The following KCNH2 variants were observed in gnomAD, a reference collection of about 807,000 sequenced individuals.
The protein encoded by KCNH2 is voltage-gated inwardly rectifying potassium channel KCNH2.
Under a neutral mutation model 95.9 loss-of-function variants are expected in KCNH2, and 35 were observed. That is an observed-to-expected ratio of 0.37 (90% CI 0.28 to 0.48). The LOEUF is 0.48. KCNH2 is among the 20% of genes least tolerant of loss of function. KCNH2 has a pLI of 0.99. For synonymous variants in KCNH2, 786 were observed against 754.7 expected, an observed-to-expected ratio of 1.04 and a Z score of -0.68; for missense variants, 1,274 against 1,702.9, an observed-to-expected ratio of 0.75 and a Z score of 4.43.
rs1271119249 is a variant in KCNH2 at position 150,950,779 on chromosome 7, G to A, written c.2145+142C>T. On this transcript the variant is annotated intron_variant, in intron 8 of 14. Transcript: ENST00000262186. The stretch of plus-strand genomic sequence containing the variant: ...GTTCCAAGGGCTTCCATTTCCTCAT[G>A]GGCAAAAAGGGGCAACGTGCCTCCA... 4 of 889,210 alleles carry A rather than the reference G, an allele frequency of 4.5e-6. No individual in the cohort carries two copies. In the African/African-American group the frequency reaches 5.0e-5, roughly 11 times the overall value. The allele number at this position is 889,210 out of a possible 1,614,324, so 55.1% of individuals were successfully genotyped here. A position where few individuals can be genotyped will look rare whatever the true frequency, so the allele number is the denominator to read the frequency against.
At chr7:150,977,801 AG>A in intron 1 of KCNH2, 36 bp downstream of exon 1, 2 of 154,062 alleles carry the variant, frequency 1.3e-5, no homozygotes, top group Admixed American at 1.2e-4. Flanking sequence ...GCCCGCCCCC[AG>A]AGCCCCCTCC....
chr7:150,967,008 G>A (rs1333613768), intron 2 of KCNH2, among the ~76,000 whole-genome samples: 3 of 152,300 alleles, frequency 2.0e-5, no homozygotes, highest in East Asian at 1.9e-4. Context: ...GGCCAGGCGC[G>A]GTGGCTCATG....
Position 150,963,057 on chromosome 7 carries a change from C to T in KCNH2, c.308-3321G>A, listed in dbSNP as rs534805853. ...CCCTCGCTCTGCTCCCTTCTCCCACCGACTCGCCCTGGCTCCTGCCAGTGG... is the reference window on the plus strand; with the variant it reads ...CCCTCGCTCTGCTCCCTTCTCCCACTGACTCGCCCTGGCTCCTGCCAGTGG... On this transcript the variant is annotated intron_variant, in intron 2 of 14. Coordinates refer to ENST00000262186, the MANE Select transcript of KCNH2 (RefSeq NM_000238.4). Among the ~76,000 whole-genome samples the T allele has an allele frequency of 3.2e-4, 48 of 152,350 alleles. 1 individual carries two copies. Among genetic ancestry groups the T allele is most frequent in the South Asian group, 2.1e-4 (1 of 4,832 alleles).
In KCNH2 at chr7:150,958,045, C is replaced by A. The variant is rs1009321830; in HGVS notation, c.916+14G>T. 65 of 1,262,754 alleles carry A rather than the reference C, an allele frequency of 5.1e-5. No homozygotes were observed. Among genetic ancestry groups the A allele is most frequent in the Non-Finnish European group, 6.1e-5 (61 of 1,007,572 alleles). 78.2% of individuals were successfully genotyped at this position (1,262,754 alleles called of 1,614,324 possible). A position where few individuals can be genotyped will look rare whatever the true frequency, so the allele number is the denominator to read the frequency against. On this transcript the variant is annotated intron_variant, in intron 4 of 14. Transcript: ENST00000262186. Reference sequence around the variant, plus strand: ...GCGTGGGCTGGGGCGGAACGGGTCCCGCGGCGCCCTCACCGGTGCTGGCGT... The same window carrying A: ...GCGTGGGCTGGGGCGGAACGGGTCCAGCGGCGCCCTCACCGGTGCTGGCGT...
intron 2 of KCNH2, among the ~76,000 whole-genome samples, chr7:150,971,560 G>C (rs1184554831): frequency 6.6e-6 from 1 of 152,124 alleles, no homozygotes; most frequent in African/African-American, 2.4e-5. Context: ...CAGCCAGACA[G>C]AGCCTTCCAG....
At chr7:150,966,618 CA>C (rs1801713925) in intron 2 of KCNH2, among the ~76,000 whole-genome samples, 1 of 152,038 alleles carries the variant, frequency 6.6e-6, no homozygotes, top group Non-Finnish European at 1.5e-5. Flanking sequence ...TCAGAGAGTT[CA>C]GCAAGGTTGC....
chr7:150,963,191 G>A (rs941781324), intron 2 of KCNH2, among the ~76,000 whole-genome samples: 2 of 152,228 alleles, frequency 1.3e-5, no homozygotes, highest in East Asian at 3.9e-4. Flanking sequence ...AGCCAGCACT[G>A]GGCGCACTCA....
At chr7:150,954,312 G>C (rs1416466744) in intron 5 of KCNH2, among the ~76,000 whole-genome samples, 1 of 151,834 alleles carries the variant, frequency 6.6e-6, no homozygotes, top group African/African-American at 2.4e-5. Context: ...TGCTGATAAG[G>C]GGGCAGAAGA....
rs1212994253 is a variant in KCNH2 at position 150,958,241 on chromosome 7, G to C, written c.734C>G (p.Pro245Arg). The C allele has an allele frequency of 7.1e-7, 1 of 1,402,954 alleles. No homozygotes were observed. The highest frequency in any genetic ancestry group is 3.1e-5 in the East Asian group (1 of 32,286). 86.9% of individuals were successfully genotyped at this position (1,402,954 alleles called of 1,614,324 possible). A position where few individuals can be genotyped will look rare whatever the true frequency, so the allele number is the denominator to read the frequency against. The change falls in exon 4 of 15, where the codon CCC becomes CGC. Residue 245 changes from proline to arginine, a missense_variant. By Grantham distance (103) the Pro-to-Arg change is moderately radical (BLOSUM62 -2). Transcript: ENST00000262186. ...CGCCCGGGGCGATGGGAGCTGGCCGGGCGCGCTGCGGGGCGGAGAGCCGGG... is the reference window on the plus strand; with the variant it reads ...CGCCCGGGGCGATGGGAGCTGGCCGCGCGCGCTGCGGGGCGGAGAGCCGGG... The part of the protein sequence containing the change: ...VGPGSPPRSA[P>R]GQLPSPRAHS...
chr7:150,947,578 T>G, intron 12 of KCNH2, 28 bp downstream of exon 12: 1 of 1,609,950 alleles, frequency 6.2e-7, no homozygotes, highest in South Asian at 1.1e-5. Context: ...CGCCCGGTCC[T>G]CCCTCGCCCG....
At chr7:150,955,473 T>C in intron 5 of KCNH2, 1 of 1,556,520 alleles carries the variant, frequency 6.4e-7, no homozygotes. Context: ...AGAGCCCCTG[T>C]CCTGCTCGCC....
Position 150,947,719 on chromosome 7 carries a change from C to T in KCNH2, c.2852G>A (p.Ser951Asn). Residue 951 changes from serine (S) to asparagine (N), a missense_variant, in exon 12 of 15, where the codon AGC becomes AAC. Coordinates refer to ENST00000262186, the MANE Select transcript of KCNH2 (RefSeq NM_000238.4). Reference sequence around the variant, plus strand: ...GGAGAAGGGCACCAGGCGGAGGGGGCTGGAGCTGCGGCCTGGGCCCTCATC... The same window carrying T: ...GGAGAAGGGCACCAGGCGGAGGGGGTTGGAGCTGCGGCCTGGGCCCTCATC... The part of the protein sequence containing the change: ...SEDEGPGRSS[S>N]PLRLVPFSSP... The T allele has an allele frequency of 6.3e-7, 1 of 1,576,042 alleles. No individual in the cohort carries two copies.
chr7:150,976,682 C>T (rs1310731086), intron 1 of KCNH2, among the ~76,000 whole-genome samples: 1 of 152,062 alleles, frequency 6.6e-6, no homozygotes, highest in Non-Finnish European at 1.5e-5. Flanking sequence ...GGAAGAGTCA[C>T]TCAAGGTCAC....
At position 150,951,121 on chromosome 7, in the gene KCNH2, C is replaced by CTGGGGGCG. The variant is rs779504703; in HGVS notation, c.1946-9_1946-2dup. On this transcript the variant is annotated splice_acceptor_variant, in intron 7 of 14. Coordinates refer to ENST00000262186, the MANE Select transcript of KCNH2 (RefSeq NM_000238.4). LOFTEE classifies it high-confidence loss of function. ...CCGAAGATGCTAGCATACATGAGGG[C>CTGGGGGCG]TGGGGGCGTGGGCACGTGGGGCCGT... 1 of 1,600,616 alleles carries CTGGGGGCG rather than the reference C, an allele frequency of 6.2e-7. No individual in the cohort carries two copies. Among genetic ancestry groups the CTGGGGGCG allele is most frequent in the Admixed American group, 1.7e-5 (1 of 59,792 alleles).
chr7:150,946,857 G>GA lies in KCNH2; in HGVS notation c.3330+19dup, dbSNP rs1800908408. ...AACAAGCGGGTCACGGTACATCGAG[G>GA]AAGCAGGGCTGGAGCTTACCTGAGA... On this transcript the variant is annotated intron_variant, in intron 14 of 14. Transcript: ENST00000262186. This position sits in a 1 kb window ranked among gnomAD's most constrained non-coding sequence, Gnocchi z 6.5. 21 of 1,592,326 alleles carry GA rather than the reference G, an allele frequency of 1.3e-5. No individual in the cohort carries two copies. The highest frequency in any genetic ancestry group is 1.8e-5 in the Non-Finnish European group (21 of 1,165,828).
At chr7:150,973,508 G>C (rs1405176324) in intron 2 of KCNH2, among the ~76,000 whole-genome samples, 1 of 152,252 alleles carries the variant, frequency 6.6e-6, no homozygotes, top group African/African-American at 2.4e-5. Context: ...TGCCTTCAGG[G>C]TTTGAGTCTA....
intron 2 of KCNH2, 92 bp downstream of exon 2, chr7:150,974,619 A>ACCC: frequency 3.3e-6 from 1 of 304,866 alleles, no homozygotes; most frequent in South Asian, 3.2e-5. Flanking sequence ...CCGCCCCCAC[A>ACCC]CCCCCACACC....
In KCNH2 at chr7:150,977,990, C is replaced by G. The variant is rs545717695; in HGVS notation, c.-77G>C. 1.4e-6 allele frequency: 1 copy of G among 737,534 alleles called. No homozygotes were observed. Among genetic ancestry groups the G allele is most frequent in the Non-Finnish European group, 1.9e-6 (1 of 536,706 alleles). 45.7% of individuals were successfully genotyped at this position (737,534 alleles called of 1,614,324 possible). A position where few individuals can be genotyped will look rare whatever the true frequency, so the allele number is the denominator to read the frequency against. On this transcript the variant is annotated 5_prime_UTR_variant, in exon 1 of 15. Coordinates refer to ENST00000262186, the MANE Select transcript of KCNH2 (RefSeq NM_000238.4). ...GGCCCAGCACTAGGCTTCGGGTGGC[C>G]CGGCCGGGCCGTGGTCCCCGCACCC... is the stretch of plus-strand genomic sequence containing the variant.
rs755499118 is a variant in KCNH2 at position 150,977,830 on chromosome 7, C to G, written c.76+8G>C. The G allele has an allele frequency of 6.3e-7, 1 of 1,588,542 alleles. No homozygotes were observed. Among genetic ancestry groups the G allele is most frequent in the South Asian group, 1.1e-5 (1 of 88,424 alleles). On this transcript the variant is annotated splice_region_variant and intron_variant, in intron 1 of 14. Coordinates refer to ENST00000262186, the MANE Select transcript of KCNH2 (RefSeq NM_000238.4). ...CCCCCTCCCCGCTCAGCCCCCTCCC[C>G]CACTCACTCTGGCCCTCAAACTTGC...
Sources: allele counts gnomAD v4.1 joint callset (sites outside exome capture counted in the v4.1 genomes callset), GRCh38; gene constraint gnomAD v4.1.1; non-coding constraint Gnocchi (gnomAD v3.1); transcripts MANE v1.5; gene names NCBI Gene and HGNC (gene_info 2026-07-23, HGNC 2026-07-21).